Variants in TMEM132C observed in about 807,000 individuals in gnomAD.
The protein encoded by TMEM132C is transmembrane protein 132C.
TMEM132C carries 29 observed loss-of-function variants against 61.4 expected under a neutral mutation model. The observed-to-expected ratio is 0.47, with a 90% CI of 0.35 to 0.64. The LOEUF (loss-of-function observed/expected upper bound fraction) is 0.64. Among genes scored for constraint, TMEM132C ranks in the 30% least tolerant of loss-of-function variants. TMEM132C has a pLI of 0.00. For missense variants in TMEM132C, 1,408 were observed against 1,476.9 expected (o/e 0.95, Z 0.76); for synonymous variants, 656 against 633.1 (o/e 1.04, Z -0.54).
Position 128,668,053 on chromosome 12 carries a change from G to A in TMEM132C, c.1306-1364G>A, listed in dbSNP as rs562756225. On this transcript the variant is annotated intron_variant, in intron 4 of 8. Coordinates refer to ENST00000435159, the MANE Select transcript of TMEM132C (RefSeq NM_001136103.3). ...TTCGGGAGACTGAGGCAGGAGGATCGCTTCAAGCTAGGAGTTCAAGACCAG... is the reference window on the plus strand; with the variant it reads ...TTCGGGAGACTGAGGCAGGAGGATCACTTCAAGCTAGGAGTTCAAGACCAG... 1.4e-4 allele frequency among the ~76,000 whole-genome samples: 21 copies of A among 152,258 alleles called. 1 individual carries two copies. The highest frequency in any genetic ancestry group is 2.2e-4 in the African/African-American group (9 of 41,530).
intron 1 of TMEM132C, among the ~76,000 whole-genome samples, chr12:128,407,919 T>A (rs1434488312): frequency 1.3e-5 from 2 of 150,924 alleles, no homozygotes; most frequent in Non-Finnish European, 2.9e-5. Flanking sequence ...TTATGCTACA[T>A]ATCTAGATCA....
At chr12:128,474,123 G>A (rs1368604516) in intron 2 of TMEM132C, among the ~76,000 whole-genome samples, 1 of 152,196 alleles carries the variant, frequency 6.6e-6, no homozygotes, top group Non-Finnish European at 1.5e-5. Context: ...CACATCTTCT[G>A]AAGGGCTTAA....
intron 3 of TMEM132C, among the ~76,000 whole-genome samples, chr12:128,563,762 A>G (rs1054714691): frequency 4.6e-5 from 7 of 152,168 alleles, no homozygotes; most frequent in African/African-American, 1.4e-4. Context: ...CAAGCTTAGA[A>G]CTGTGCTTGA....
chr12:128,520,741 T>C (rs953643916), intron 2 of TMEM132C, among the ~76,000 whole-genome samples: 1 of 151,712 alleles, frequency 6.6e-6, no homozygotes, highest in African/African-American at 2.4e-5. Flanking sequence ...AGTTAACAGG[T>C]TTATTTTAAA....
intron 2 of TMEM132C, among the ~76,000 whole-genome samples, chr12:128,443,652 A>G (rs1593055236): frequency 2.0e-5 from 3 of 152,212 alleles, no homozygotes; most frequent in East Asian, 3.9e-4. Flanking sequence ...GATGGCTCTG[A>G]TGAACGGACA....
At chr12:128,663,706 CGTGT>C (rs1224592454) in intron 4 of TMEM132C, among the ~76,000 whole-genome samples, 6 of 132,114 alleles carry the variant, frequency 4.5e-5, no homozygotes, top group African/African-American at 1.1e-4. Flanking sequence ...TGCATGTATG[CGTGT>C]GTGTATGTGT....
chr12:128,517,677 A>G (rs527549267), intron 2 of TMEM132C, among the ~76,000 whole-genome samples: 4 of 152,320 alleles, frequency 2.6e-5, no homozygotes, highest in African/African-American at 7.2e-5. Flanking sequence ...GGAACTTTTC[A>G]TAATAAATTT....
At chr12:128,330,601 A>T (rs903270309) in intron 1 of TMEM132C, among the ~76,000 whole-genome samples, 2 of 152,180 alleles carry the variant, frequency 1.3e-5, no homozygotes, top group African/African-American at 4.8e-5. Context: ...GATTTGAAAA[A>T]AACTCATTTT....
chr12:128,431,139 G>T lies in TMEM132C; in HGVS notation c.974+15519G>T, dbSNP rs553848627. On this transcript the variant is annotated intron_variant, in intron 2 of 8. Transcript: ENST00000435159. ...AGGAAATGAAACGTGCGACTCCAGT[G>T]AACACAGAAGTGATACGAAGGCAAA... 5.9e-5 allele frequency among the ~76,000 whole-genome samples: 9 copies of T among 152,330 alleles called. No individual in the cohort carries two copies. The South Asian group carries it at 1.9e-3, about 32-fold the overall frequency.
intron 2 of TMEM132C, among the ~76,000 whole-genome samples, chr12:128,527,703 A>G (rs983944374): frequency 1.6e-5 from 1 of 64,184 alleles, no homozygotes; most frequent in Non-Finnish European, 3.0e-5. Flanking sequence ...GTGAATGTGC[A>G]TGTATGTGTG....
chr12:128,448,423 C>T (rs1323603484), intron 2 of TMEM132C, among the ~76,000 whole-genome samples: 1 of 152,220 alleles, frequency 6.6e-6, no homozygotes, highest in East Asian at 1.9e-4. Flanking sequence ...GGCAGCTCTG[C>T]TTATAGGGGT....
chr12:128,605,439 A>C (rs1231889074), intron 3 of TMEM132C, among the ~76,000 whole-genome samples: 1 of 152,134 alleles, frequency 6.6e-6, no homozygotes, highest in African/African-American at 2.4e-5. Flanking sequence ...TGGGGGGCCA[A>C]GGGCTTCACT....
intron 4 of TMEM132C, among the ~76,000 whole-genome samples, chr12:128,656,195 C>A (rs577656988): frequency 2.0e-5 from 3 of 152,180 alleles, no homozygotes; most frequent in Non-Finnish European, 4.4e-5. Context: ...GGATTACAGG[C>A]GTGTGCCACC....
chr12:128,496,308 G>T (rs1297406261), intron 2 of TMEM132C, among the ~76,000 whole-genome samples: 1 of 152,048 alleles, frequency 6.6e-6, no homozygotes, highest in African/African-American at 2.4e-5. Context: ...ACAATTATGT[G>T]TCTTGGAGTT....
At chr12:128,269,729 C>T (rs1358502767) in intron 1 of TMEM132C, among the ~76,000 whole-genome samples, 1 of 152,070 alleles carries the variant, frequency 6.6e-6, no homozygotes, top group Non-Finnish European at 1.5e-5. Flanking sequence ...GTTCATTCCC[C>T]CCTCGGATTC....
intron 4 of TMEM132C, among the ~76,000 whole-genome samples, chr12:128,638,700 A>G (rs930939877): frequency 6.6e-6 from 1 of 152,196 alleles, no homozygotes; most frequent in African/African-American, 2.4e-5. Context: ...TTAAATTGGA[A>G]AATATTTATA....
intron 1 of TMEM132C, among the ~76,000 whole-genome samples, chr12:128,327,585 G>C (rs186653247): frequency 6.6e-6 from 1 of 151,968 alleles, no homozygotes; most frequent in Non-Finnish European, 1.5e-5. Context: ...GGGTTTCACC[G>C]TGTTAGCCAG....
At chr12:128,358,807 C>G (rs1873602778) in intron 1 of TMEM132C, among the ~76,000 whole-genome samples, 1 of 152,142 alleles carries the variant, frequency 6.6e-6, no homozygotes, top group Non-Finnish European at 1.5e-5. Flanking sequence ...ATTGCGCACA[C>G]AGGCTTCCAA....
intron 1 of TMEM132C, among the ~76,000 whole-genome samples, chr12:128,327,045 C>A (rs1242441248): frequency 4.0e-5 from 6 of 149,890 alleles, no homozygotes; most frequent in African/African-American, 1.5e-4. Flanking sequence ...CAGATTACAT[C>A]ATAAGGCAAG....
Sources: allele counts gnomAD v4.1 joint callset (sites outside exome capture counted in the v4.1 genomes callset), GRCh38; gene constraint gnomAD v4.1.1; transcripts MANE v1.5; gene names NCBI Gene and HGNC (gene_info 2026-07-23, HGNC 2026-07-21).